The following LRP1B variants were observed in gnomAD, a reference collection of about 807,000 sequenced individuals.
LRP1B encodes the protein low-density lipoprotein receptor-related protein 1B.
LRP1B carries 217 observed loss-of-function variants against 556.6 expected under a neutral mutation model. The ratio of observed to expected loss-of-function variants is 0.39; its 90% CI spans 0.35 to 0.44. The LOEUF (loss-of-function observed/expected upper bound fraction) is 0.44, where lower values mean the gene tolerates loss of function less well. Among genes scored for constraint, LRP1B ranks in the 20% least tolerant of loss-of-function variants. The pLI is 1.00. For synonymous variants in LRP1B, 2,047 were observed against 1,865.8 expected, an observed-to-expected ratio of 1.10 and a Z score of -2.50; for missense variants, 5,053 against 5,620.8, an observed-to-expected ratio of 0.90 and a Z score of 3.23.
At chr2:142,115,610 T>G (rs1402085793) in intron 1 of LRP1B, among the ~76,000 whole-genome samples, 1 of 18,990 alleles carries the variant, frequency 5.3e-5, no homozygotes, top group Non-Finnish European at 1.1e-4. Context: ...GTAATATATA[T>G]TATATATATG....
intron 7 of LRP1B, among the ~76,000 whole-genome samples, chr2:141,093,219 A>G (rs1189506026): frequency 6.6e-6 from 1 of 152,188 alleles, no homozygotes; most frequent in Non-Finnish European, 1.5e-5. Flanking sequence ...GGCTTTAGAT[A>G]GGAGCCTGGA....
At chr2:140,612,895 C>T (rs1426501401) in intron 41 of LRP1B, among the ~76,000 whole-genome samples, 2 of 152,146 alleles carry the variant, frequency 1.3e-5, no homozygotes, top group Non-Finnish European at 2.9e-5. Context: ...GAAGCATGGA[C>T]TAAGTTCATC....
At chr2:141,556,951 C>T (rs1685980186) in intron 2 of LRP1B, among the ~76,000 whole-genome samples, 2 of 151,874 alleles carry the variant, frequency 1.3e-5, no homozygotes, top group Admixed American at 1.3e-4. Context: ...TAATATCACT[C>T]CTTTCTCTGT....
At chr2:141,970,530 T>A (rs1701697073) in intron 1 of LRP1B, among the ~76,000 whole-genome samples, 1 of 151,474 alleles carries the variant, frequency 6.6e-6, no homozygotes, top group African/African-American at 2.4e-5. Context: ...GAGTTACAAA[T>A]AAAGTGTTAG....
chr2:141,581,469 A>C (rs946326562), intron 2 of LRP1B, among the ~76,000 whole-genome samples: 1 of 152,182 alleles, frequency 6.6e-6, no homozygotes, highest in African/African-American at 2.4e-5. Flanking sequence ...TAAAATCTTT[A>C]AAGTAATGAC....
chr2:141,689,258 G>A (rs962310774), intron 2 of LRP1B, among the ~76,000 whole-genome samples: 5 of 151,668 alleles, frequency 3.3e-5, no homozygotes, highest in Non-Finnish European at 7.4e-5. Flanking sequence ...AGGAATTAAG[G>A]AAAATGCAAA....
intron 35 of LRP1B, among the ~76,000 whole-genome samples, chr2:140,750,470 G>T (rs1688537223): frequency 6.6e-6 from 1 of 151,988 alleles, no homozygotes; most frequent in Admixed American, 6.6e-5. Context: ...ATTTATATGT[G>T]CAAACATATG....
intron 79 of LRP1B, among the ~76,000 whole-genome samples, chr2:140,326,464 G>C (rs1002184795): frequency 6.7e-6 from 1 of 149,586 alleles, no homozygotes; most frequent in Non-Finnish European, 1.5e-5. Context: ...GGTGGCTCAC[G>C]CCTGTAATCC....
intron 49 of LRP1B, among the ~76,000 whole-genome samples, chr2:140,519,094 G>T (rs1558938668): frequency 6.6e-6 from 1 of 152,046 alleles, no homozygotes; most frequent in Non-Finnish European, 1.5e-5. Context: ...TTTCTTCACA[G>T]AATTGGAAAA....
chr2:141,855,919 C>T (rs1360521004), intron 1 of LRP1B, among the ~76,000 whole-genome samples: 2 of 152,110 alleles, frequency 1.3e-5, no homozygotes, highest in African/African-American at 2.4e-5. Context: ...AATAAAACTA[C>T]TAATGGTAAT....
At chr2:140,338,118 G>A (rs183060373) in intron 77 of LRP1B, among the ~76,000 whole-genome samples, 9 of 151,688 alleles carry the variant, frequency 5.9e-5, no homozygotes, top group African/African-American at 2.2e-4. Flanking sequence ...TTGATGACTT[G>A]CAGAGCCATT....
At chr2:141,025,831 G>A (rs1190240540) in intron 11 of LRP1B, among the ~76,000 whole-genome samples, 1 of 152,010 alleles carries the variant, frequency 6.6e-6, no homozygotes, top group Non-Finnish European at 1.5e-5. Context: ...TGATTTTGCT[G>A]AATGGGCTGG....
In LRP1B at chr2:141,314,205, G is replaced by A. The variant is rs1297985354; in HGVS notation, c.344-59564C>T. On this transcript the variant is annotated intron_variant, in intron 3 of 90. Coordinates refer to ENST00000389484, the MANE Select transcript of LRP1B (RefSeq NM_018557.3). Reference sequence around the variant, plus strand: ...AATTAGGGTTTAAAGATATGTCAGAGGCTACCTGGTATAGCTCTGTCTTCA... The same window carrying A: ...AATTAGGGTTTAAAGATATGTCAGAAGCTACCTGGTATAGCTCTGTCTTCA... Among the ~76,000 whole-genome samples the A allele has an allele frequency of 3.3e-5, 5 of 152,176 alleles. No individual in the cohort carries two copies. In the East Asian group the frequency reaches 7.7e-4, roughly 24 times the overall value.
intron 84 of LRP1B, among the ~76,000 whole-genome samples, chr2:140,286,944 A>G (rs558199135): frequency 2.0e-5 from 3 of 151,928 alleles, no homozygotes; most frequent in African/African-American, 7.2e-5. Flanking sequence ...TTTTTTTTAC[A>G]GATAGTGTAA....
chr2:141,462,591 C>T (rs1362904188), intron 3 of LRP1B, among the ~76,000 whole-genome samples: 1 of 152,048 alleles, frequency 6.6e-6, no homozygotes, highest in African/African-American at 2.4e-5. Context: ...AGCAAACAAC[C>T]ATGGCACATG....
At chr2:141,061,815 T>C (rs1373578655) in intron 8 of LRP1B, among the ~76,000 whole-genome samples, 1 of 151,846 alleles carries the variant, frequency 6.6e-6, no homozygotes, top group East Asian at 1.9e-4. Context: ...TGTTTTTTGT[T>C]TACTTGTTTT....
chr2:141,211,341 G>T (rs982952423), intron 6 of LRP1B, among the ~76,000 whole-genome samples: 14 of 151,322 alleles, frequency 9.3e-5, no homozygotes, highest in African/African-American at 3.4e-4. Context: ...AGCATTCAGG[G>T]CCGGGCACGG....
intron 56 of LRP1B, among the ~76,000 whole-genome samples, chr2:140,494,952 T>C (rs1249437050): frequency 2.6e-5 from 4 of 152,184 alleles, no homozygotes; most frequent in South Asian, 2.1e-4. Flanking sequence ...GTCATCATCA[T>C]ATTATTGCTT....
intron 3 of LRP1B, among the ~76,000 whole-genome samples, chr2:141,301,052 A>G (rs1686373923): frequency 2.0e-5 from 3 of 152,174 alleles, no homozygotes; most frequent in Admixed American, 2.0e-4. Flanking sequence ...TGAAAAAGAT[A>G]ATGGGTCTGG....
Sources: allele counts gnomAD v4.1 joint callset (sites outside exome capture counted in the v4.1 genomes callset), GRCh38; gene constraint gnomAD v4.1.1; transcripts MANE v1.5; gene names NCBI Gene and HGNC (gene_info 2026-07-23, HGNC 2026-07-21).